PTPRN2: variants seen among roughly 807,000 people sequenced by gnomAD.
PTPRN2 encodes the protein protein tyrosine phosphatase receptor type N2, also known as receptor-type tyrosine-protein phosphatase N2.
In PTPRN2, 74 loss-of-function variants were observed where a neutral mutation model predicts 118.8. The observed-to-expected ratio is 0.62, with a 90% confidence interval of 0.52 to 0.76. The LOEUF is 0.76. Ranked by LOEUF, PTPRN2 falls within the 30% of genes least tolerant of loss-of-function variation. The pLI, the probability that PTPRN2 is intolerant of heterozygous loss-of-function variation, is 0.00. For missense variants in PTPRN2, 1,481 were observed against 1,394.4 expected, an observed-to-expected ratio of 1.06 and a Z score of -0.99; for synonymous variants, 641 against 608.0, an observed-to-expected ratio of 1.05 and a Z score of -0.80.
intron 2 of PTPRN2, among the ~76,000 whole-genome samples, chr7:158,467,295 T>C (rs1451872154): frequency 6.6e-6 from 1 of 151,838 alleles, no homozygotes; most frequent in Admixed American, 6.6e-5. Flanking sequence ...TTTTTTTGTG[T>C]GTTGTTTGTT....
At position 157,874,985 on chromosome 7, in the gene PTPRN2, ACAGG is replaced by A. The variant is rs1199742819; in HGVS notation, c.1788+23684_1788+23687del. ...CACATACACAGAGACACAGGCACAC[ACAGG>A]CAGACGCAAACGTGCATGCACACAG... On this transcript the variant is annotated intron_variant, in intron 12 of 22. Transcript: ENST00000389418. The surrounding 1 kb of genome is among the most constrained non-coding windows in gnomAD (Gnocchi z 5.8). Among the ~76,000 whole-genome samples the A allele has an allele frequency of 2.0e-5, 3 of 152,022 alleles. No homozygotes were observed. Among genetic ancestry groups the A allele is most frequent in the African/African-American group, 4.8e-5 (2 of 41,432 alleles).
At chr7:158,310,584 G>A (rs115505308) in intron 3 of PTPRN2, among the ~76,000 whole-genome samples, 2,184 of 152,346 alleles carry the variant, frequency 0.014, 57 homozygotes, top group African/African-American at 0.05. Flanking sequence ...TGGGTGGAAG[G>A]AGCCACTGGG....
chr7:157,604,697 T>C (rs922146552), intron 15 of PTPRN2, among the ~76,000 whole-genome samples: 1 of 151,976 alleles, frequency 6.6e-6, no homozygotes, highest in Non-Finnish European at 1.5e-5. Flanking sequence ...AAAGAGGAAA[T>C]GGAGGAAAAA....
chr7:157,873,519 G>T (rs960909942), intron 12 of PTPRN2, among the ~76,000 whole-genome samples: 1 of 151,128 alleles, frequency 6.6e-6, no homozygotes, highest in African/African-American at 2.5e-5. Context: ...GCCGGGAGGA[G>T]AACGTACTGT....
Position 158,141,907 on chromosome 7 carries a change from C to T in PTPRN2, c.911-3392G>A, listed in dbSNP as rs545545119. 6.9e-4 allele frequency among the ~76,000 whole-genome samples: 105 copies of T among 152,356 alleles called. 1 individual carries two copies. Among genetic ancestry groups the T allele is most frequent in the African/African-American group, 1.9e-3 (77 of 41,582 alleles). On this transcript the variant is annotated intron_variant, in intron 6 of 22. Coordinates refer to ENST00000389418, the MANE Select transcript of PTPRN2 (RefSeq NM_002847.5). Reference sequence around the variant, plus strand: ...GTCAATCTGTACACGAAATGTGTGACGGACACGGGCGTTCTGATCGGAGCG... The same window carrying T: ...GTCAATCTGTACACGAAATGTGTGATGGACACGGGCGTTCTGATCGGAGCG...
chr7:158,516,985 G>A lies in PTPRN2; in HGVS notation c.113-27200C>T, dbSNP rs747022037. 4.6e-5 allele frequency among the ~76,000 whole-genome samples: 7 copies of A among 152,130 alleles called. No homozygotes were observed. The South Asian group carries it at 8.3e-4, about 18-fold the overall frequency. ...CATGGAAAGTCCTCTCTAGTAAACC[G>A]TAGCCCAGCAGAACCACTCGTGAGT... is the stretch of plus-strand genomic sequence containing the variant. On this transcript the variant is annotated intron_variant, in intron 1 of 22. Coordinates refer to ENST00000389418, the MANE Select transcript of PTPRN2 (RefSeq NM_002847.5).
chr7:158,167,223 G>A lies in PTPRN2; in HGVS notation c.618C>T (p.Pro206=), dbSNP rs759624649. The A allele has an allele frequency of 1.4e-4, 229 of 1,613,288 alleles. No homozygotes were observed. The highest frequency in any genetic ancestry group is 3.8e-4 in the Admixed American group (23 of 59,968). ...VAHTSALTYP[P]GSRTQLREDL... ...CCTCGCGGAGCTGGGTCCGGGACCC[G>A]GGAGGGTAGGTCAGCGCAGACGTGT... The change falls in exon 6 of 23, where the codon CCC becomes CCT. Residue 206 remains proline (P), a synonymous_variant. Coordinates refer to ENST00000389418, the MANE Select transcript of PTPRN2 (RefSeq NM_002847.5).
intron 10 of PTPRN2, among the ~76,000 whole-genome samples, chr7:158,098,143 C>T (rs1003723202): frequency 2.6e-5 from 4 of 152,342 alleles, no homozygotes; most frequent in South Asian, 2.1e-4. Flanking sequence ...TGCACATGAG[C>T]ACACACGCAC....
At chr7:157,678,219 A>G (rs753290193) in intron 13 of PTPRN2, among the ~76,000 whole-genome samples, 10 of 152,220 alleles carry the variant, frequency 6.6e-5, no homozygotes, top group Admixed American at 6.5e-5. Context: ...TGCAAAAAAT[A>G]TATTATTTTG....
At chr7:157,735,669 A>T (rs1309019456) in intron 12 of PTPRN2, among the ~76,000 whole-genome samples, 1 of 152,240 alleles carries the variant, frequency 6.6e-6, no homozygotes, top group Non-Finnish European at 1.5e-5. Context: ...ATGACAGAAC[A>T]TGACTCGCCT....
At chr7:158,124,447 T>A (rs1200941048) in intron 9 of PTPRN2, among the ~76,000 whole-genome samples, 1 of 152,240 alleles carries the variant, frequency 6.6e-6, no homozygotes, top group Non-Finnish European at 1.5e-5. Context: ...AATTCTCCAA[T>A]GGGCAGAACT....
chr7:158,263,423 TGCACACACACACAG>T (rs1797667953), intron 3 of PTPRN2, among the ~76,000 whole-genome samples: 3 of 122,670 alleles, frequency 2.4e-5, no homozygotes, highest in African/African-American at 1.0e-4. Flanking sequence ...CACAAACACA[TGCACACACACACAG>T]GCACACACAC....
intron 11 of PTPRN2, among the ~76,000 whole-genome samples, chr7:158,004,048 G>C (rs1312148068): frequency 6.6e-6 from 1 of 152,164 alleles, no homozygotes; most frequent in Non-Finnish European, 1.5e-5. Flanking sequence ...CAGCCCCCAT[G>C]GCTGCTTTTC....
At chr7:157,709,476 T>C (rs760827887) in intron 12 of PTPRN2, among the ~76,000 whole-genome samples, 1 of 152,212 alleles carries the variant, frequency 6.6e-6, no homozygotes, top group Non-Finnish European at 1.5e-5. Context: ...ACTGGGTTAC[T>C]CGGACATCTA....
chr7:158,432,024 T>A (rs949717302), intron 2 of PTPRN2, among the ~76,000 whole-genome samples: 3 of 152,138 alleles, frequency 2.0e-5, no homozygotes, highest in African/African-American at 7.2e-5. Context: ...TCCAATCCAC[T>A]CTAACAGGAT....
chr7:158,570,480 T>A lies in PTPRN2; in HGVS notation c.112+17078A>T, dbSNP rs986251614. ...GACTCTGCACCGTGAGAAAGCGGCT[T>A]CGGCAGCTCCGACCCCTCAACTGAC... is the stretch of plus-strand genomic sequence containing the variant. On this transcript the variant is annotated intron_variant, in intron 1 of 22. Transcript: ENST00000389418. This position sits in a 1 kb window ranked among gnomAD's most constrained non-coding sequence, Gnocchi z 4.5. 5.3e-5 allele frequency among the ~76,000 whole-genome samples: 8 copies of A among 152,038 alleles called. No individual in the cohort carries two copies. The highest frequency in any genetic ancestry group is 1.9e-4 in the African/African-American group (8 of 41,400).
At chr7:157,935,841 C>A (rs982964531) in intron 11 of PTPRN2, among the ~76,000 whole-genome samples, 3 of 148,494 alleles carry the variant, frequency 2.0e-5, no homozygotes, top group Admixed American at 2.0e-4. Context: ...GGGGTCTAGC[C>A]ATCCTCAGCA....
intron 11 of PTPRN2, among the ~76,000 whole-genome samples, chr7:157,927,218 C>A (rs1193573163): frequency 1.3e-5 from 1 of 78,994 alleles, no homozygotes; most frequent in African/African-American, 6.4e-5. Context: ...CAGGAAGCCC[C>A]AGGGACCCGT....
chr7:158,584,990 C>T (rs1371829481), intron 1 of PTPRN2, among the ~76,000 whole-genome samples: 2 of 152,162 alleles, frequency 1.3e-5, no homozygotes, highest in Non-Finnish European at 2.9e-5. Context: ...GAGGCCTCAA[C>T]GTGAAGTTGA....
Sources: allele counts gnomAD v4.1 joint callset (sites outside exome capture counted in the v4.1 genomes callset), GRCh38; gene constraint gnomAD v4.1.1; non-coding constraint Gnocchi (gnomAD v3.1); transcripts MANE v1.5; gene names NCBI Gene and HGNC (gene_info 2026-07-23, HGNC 2026-07-21).